The following NLGN4X variants were observed in gnomAD, a reference collection of about 807,000 sequenced individuals.
The protein encoded by NLGN4X is neuroligin 4 X-linked.
In NLGN4X, 3 loss-of-function variants were observed where a neutral mutation model predicts 40.3. The observed-to-expected ratio is 0.07, with a 90% CI of 0.03 to 0.19. NLGN4X has a LOEUF of 0.19. Ranked by LOEUF, NLGN4X falls within the 10% of genes least tolerant of loss-of-function variation. The probability of loss-of-function intolerance (pLI) is 1.00; values close to 1 mark genes in which losing one functional copy is unlikely to be tolerated. For synonymous variants in NLGN4X, 270 were observed against 306.8 expected (o/e 0.88, Z 1.25); for missense variants, 382 against 708.3 (o/e 0.54, Z 5.23).
At chrX:5,969,890 G>A (rs1470087514) in intron 3 of NLGN4X, among the ~76,000 whole-genome samples, 2 of 109,375 alleles carry the variant, frequency 1.8e-5, no homozygotes, top group Non-Finnish European at 3.8e-5. Context: ...GGATGAAGCT[G>A]GAAACCATCA....
intron 2 of NLGN4X, among the ~76,000 whole-genome samples, chrX:6,091,582 T>G (rs2147450359): frequency 9.0e-6 from 1 of 111,567 alleles, no homozygotes; most frequent in East Asian, 2.8e-4. Context: ...CTGGATGAGT[T>G]TCATTCACAT....
intron 3 of NLGN4X, among the ~76,000 whole-genome samples, chrX:5,966,606 C>T (rs1477175115): frequency 8.9e-6 from 1 of 112,504 alleles, no homozygotes; most frequent in African/African-American, 3.2e-5. Context: ...ATACTTAAAA[C>T]TGAAAAAATA....
At chrX:6,000,313 TTC>T (rs2035941100) in intron 3 of NLGN4X, among the ~76,000 whole-genome samples, 1 of 112,487 alleles carries the variant, frequency 8.9e-6, no homozygotes, top group Non-Finnish European at 1.9e-5. Context: ...GGCGTTTGGT[TTC>T]TTAGAAAAAA....
At chrX:6,151,810 C>T (rs2040171174) in intron 1 of NLGN4X, 39 bp from the exon 2 acceptor site, 10 of 288,895 alleles carry the variant, frequency 3.5e-5, no homozygotes, top group Non-Finnish European at 5.6e-5. Context: ...AATGAAGCCA[C>T]ACAACGACCA....
intron 1 of NLGN4X, among the ~76,000 whole-genome samples, chrX:6,172,787 T>C (rs1041371165): frequency 5.3e-5 from 6 of 112,195 alleles, no homozygotes; most frequent in African/African-American, 1.9e-4. Context: ...GTGAACATAT[T>C]GTACAGTAAA....
intron 2 of NLGN4X, among the ~76,000 whole-genome samples, chrX:6,069,119 C>T: frequency 9.0e-6 from 1 of 110,892 alleles, no homozygotes; most frequent in Non-Finnish European, 1.9e-5. Flanking sequence ...GAAACCCCGT[C>T]TTTACTAAAA....
At chrX:6,082,508 T>C (rs2038374535) in intron 2 of NLGN4X, among the ~76,000 whole-genome samples, 1 of 110,960 alleles carries the variant, frequency 9.0e-6, no homozygotes, top group Non-Finnish European at 1.9e-5. Context: ...GCCACTGCAA[T>C]CCAGCCTGGG....
chrX:6,090,745 C>T (rs956983469), intron 2 of NLGN4X, among the ~76,000 whole-genome samples: 2 of 110,028 alleles, frequency 1.8e-5, no homozygotes, highest in Admixed American at 9.6e-5. Context: ...GGGGTGGTTT[C>T]GCCTCAGAGG....
At chrX:6,183,546 CAA>C (rs532961024) in intron 1 of NLGN4X, among the ~76,000 whole-genome samples, 2 of 90,230 alleles carry the variant, frequency 2.2e-5, no homozygotes, top group Admixed American at 1.2e-4. Flanking sequence ...GACTCCGTCT[CAA>C]AAAAAAAAAA....
At chrX:5,979,973 T>C (rs887435202) in intron 3 of NLGN4X, among the ~76,000 whole-genome samples, 8 of 107,136 alleles carry the variant, frequency 7.5e-5, no homozygotes, top group African/African-American at 2.4e-4. Flanking sequence ...TTTTAAATAT[T>C]TATTTTATTT....
chrX:6,082,538 C>G lies in NLGN4X; in HGVS notation c.473-53106G>C, dbSNP rs139695040. ...CCTGGGTGACAGACTGAGACTCTGT[C>G]TCAAAACATAAAAAATAAAAATAAG... On this transcript the variant is annotated intron_variant, in intron 2 of 5. Transcript: ENST00000381095. Among the ~76,000 whole-genome samples the G allele has an allele frequency of 9.1e-3, 1,003 of 110,380 alleles. 34 individuals are homozygous for G. The highest frequency in any genetic ancestry group is 0.087 in the Admixed American group (892 of 10,307).
chrX:6,092,336 A>T, intron 2 of NLGN4X, among the ~76,000 whole-genome samples: 1 of 112,374 alleles, frequency 8.9e-6, no homozygotes. Context: ...GACCTCAGAC[A>T]AAGGGAGCAG....
At chrX:6,166,203 A>C (rs1031091557) in intron 1 of NLGN4X, among the ~76,000 whole-genome samples, 1 of 112,074 alleles carries the variant, frequency 8.9e-6, no homozygotes, top group African/African-American at 3.2e-5. Flanking sequence ...CTTAGCACAC[A>C]ATAAAGATGC....
At chrX:6,112,159 G>A (rs2039162406) in intron 2 of NLGN4X, among the ~76,000 whole-genome samples, 1 of 111,754 alleles carries the variant, frequency 8.9e-6, no homozygotes, top group Non-Finnish European at 1.9e-5. Flanking sequence ...ATCTGTTGCA[G>A]AGGGGGGACA....
chrX:5,924,326 T>C lies in NLGN4X; in HGVS notation c.626-15087A>G, dbSNP rs183706427. ...TGTTTTACAAAATGAAATTATATATTCTCATACTTCTAAATGCTTTCAAGG... is the reference window on the plus strand; with the variant it reads ...TGTTTTACAAAATGAAATTATATATCCTCATACTTCTAAATGCTTTCAAGG... On this transcript the variant is annotated intron_variant, in intron 3 of 5. Transcript: ENST00000381095. Among the ~76,000 whole-genome samples the C allele has an allele frequency of 2.8e-5, 3 of 109,082 alleles. No homozygotes were observed. The East Asian group carries it at 8.6e-4, about 31-fold the overall frequency. 94.7% of individuals were successfully genotyped at this position (109,082 alleles called of 115,157 possible).
At position 5,892,282 on chromosome X, in the gene NLGN4X, T is replaced by C. The variant is rs747898846; in HGVS notation, c.*535A>G. On this transcript the variant is annotated 3_prime_UTR_variant, in exon 6 of 6. Transcript: ENST00000381095. ...CGTACAGATTTCGCTGCACAGTCCATTCTTTTAATAATAAATTTCTACGTT... is the reference window on the plus strand; with the variant it reads ...CGTACAGATTTCGCTGCACAGTCCACTCTTTTAATAATAAATTTCTACGTT... The C allele has an allele frequency of 7.1e-5, 11 of 156,025 alleles. No homozygotes were observed. The East Asian group carries it at 1.9e-3, about 27-fold the overall frequency. 12.9% of individuals were successfully genotyped at this position (156,025 alleles called of 1,213,427 possible).
chrX:5,978,341 T>TTTCTTTCC (rs1159065331), intron 3 of NLGN4X, among the ~76,000 whole-genome samples: 3 of 9,437 alleles, frequency 3.2e-4, no homozygotes, highest in Non-Finnish European at 4.6e-4. Flanking sequence ...TCTTTCTTTC[T>TTTCTTTCC]TTCCCTTCCT....
At chrX:6,047,749 G>T (rs2037363755) in intron 2 of NLGN4X, among the ~76,000 whole-genome samples, 1 of 111,665 alleles carries the variant, frequency 9.0e-6, no homozygotes, top group African/African-American at 3.3e-5. Context: ...ACCTTTGGAG[G>T]TATGTGTGCA....
intron 3 of NLGN4X, among the ~76,000 whole-genome samples, chrX:5,963,379 T>C (rs966893793): frequency 1.3e-4 from 15 of 111,780 alleles, no homozygotes; most frequent in African/African-American, 4.9e-4. Context: ...GTTTTAGTAA[T>C]TTGTGGAAGG....
Sources: allele counts gnomAD v4.1 joint callset (sites outside exome capture counted in the v4.1 genomes callset), GRCh38; gene constraint gnomAD v4.1.1; transcripts MANE v1.5; gene names NCBI Gene and HGNC (gene_info 2026-07-23, HGNC 2026-07-21).